SUMF1: variants seen among roughly 807,000 people sequenced by gnomAD.
SUMF1 encodes sulfatase modifying factor 1.
In SUMF1, 48 loss-of-function variants were observed where a neutral mutation model predicts 47.6. The observed-to-expected ratio is 1.01, with a 90% CI of 0.80 to 1.28. SUMF1 has a LOEUF of 1.28. Among genes scored for constraint, SUMF1 ranks in the 50% most tolerant of loss-of-function variants. SUMF1 has a pLI of 0.00. For missense variants in SUMF1, 571 were observed against 485.4 expected (o/e 1.18, Z -1.66); for synonymous variants, 230 against 192.1 (o/e 1.20, Z -1.63).
chr3:4,118,955 G>C (rs1693479391), intron 8 of SUMF1, among the ~76,000 whole-genome samples: 1 of 151,962 alleles, frequency 6.6e-6, no homozygotes, highest in African/African-American at 2.4e-5. Context: ...TGTATCCCTT[G>C]AGCTTGACTT....
chr3:4,049,737 A>G lies in SUMF1; in HGVS notation c.1191+18832T>C, dbSNP rs549983670. ...GGGCAGCTTATCTGTTAACCAGCTCAGTGAATTCTCTGCCTTTTCACAATG... is the reference window on the plus strand; with the variant it reads ...GGGCAGCTTATCTGTTAACCAGCTCGGTGAATTCTCTGCCTTTTCACAATG... On this transcript the variant is annotated intron_variant and NMD_transcript_variant, in intron 9 of 12. Coordinates refer to the SUMF1 transcript ENST00000448413. Among the ~76,000 whole-genome samples the G allele has an allele frequency of 5.3e-5, 8 of 152,218 alleles. No individual in the cohort carries two copies. In the East Asian group the frequency reaches 1.2e-3, roughly 22 times the overall value.
At chr3:4,432,031 C>T (rs1575214295) in intron 3 of SUMF1, among the ~76,000 whole-genome samples, 1 of 151,982 alleles carries the variant, frequency 6.6e-6, no homozygotes, top group African/African-American at 2.4e-5. Context: ...AATCTGTCTC[C>T]TGGAGACCTT....
At chr3:4,346,724 A>G (rs1699381261) in intron 8 of SUMF1, among the ~76,000 whole-genome samples, 1 of 152,076 alleles carries the variant, frequency 6.6e-6, no homozygotes, top group South Asian at 2.1e-4. Flanking sequence ...AACCCTCAAA[A>G]AAAATCACCA....
At chr3:4,444,013 A>G (rs1473146310) in intron 3 of SUMF1, among the ~76,000 whole-genome samples, 8 of 152,166 alleles carry the variant, frequency 5.3e-5, no homozygotes, top group African/African-American at 1.7e-4. Flanking sequence ...AAACACCAAC[A>G]CACAGTCTAG....
chr3:4,385,733 T>G (rs1427473804), intron 7 of SUMF1, among the ~76,000 whole-genome samples: 1 of 152,220 alleles, frequency 6.6e-6, no homozygotes, highest in Non-Finnish European at 1.5e-5. Flanking sequence ...TTCTCCTGTG[T>G]TTTTTTCTAA....
intron 8 of SUMF1, among the ~76,000 whole-genome samples, chr3:4,141,787 G>A (rs1694076412): frequency 6.6e-6 from 1 of 152,148 alleles, no homozygotes; most frequent in African/African-American, 2.4e-5. Flanking sequence ...CAGGCCAAGA[G>A]ATTCTAATCA....
At chr3:4,114,007 C>A (rs960228643) in intron 8 of SUMF1, among the ~76,000 whole-genome samples, 2 of 151,976 alleles carry the variant, frequency 1.3e-5, no homozygotes, top group Non-Finnish European at 2.9e-5. Context: ...TTAAAAGATG[C>A]TGATTGGACG....
At chr3:4,053,455 T>C (rs546611689) in intron 9 of SUMF1, among the ~76,000 whole-genome samples, 5 of 152,294 alleles carry the variant, frequency 3.3e-5, no homozygotes, top group African/African-American at 1.2e-4. Context: ...ATGGCACCAA[T>C]AGCCTTGCTT....
rs566533896 is a variant in SUMF1 at position 4,264,132 on chromosome 3, G to A, written c.1014+112198C>T. 9.2e-5 allele frequency among the ~76,000 whole-genome samples: 14 copies of A among 152,236 alleles called. No homozygotes were observed. In the South Asian group the frequency reaches 2.1e-3, roughly 23 times the overall value. On this transcript the variant is annotated intron_variant and NMD_transcript_variant, in intron 8 of 12. Coordinates refer to the SUMF1 transcript ENST00000448413. ...CTAAGAATGAAACTGAGCTCTCCTC[G>A]CTATAATCTGACTTCAGCAATCATC...
chr3:4,102,055 C>G (rs2675201), intron 8 of SUMF1, among the ~76,000 whole-genome samples: 17,937 of 152,108 alleles, frequency 0.12, 2,150 homozygotes, highest in African/African-American at 0.29. Flanking sequence ...GAGAACAGCA[C>G]CATGGGGGTA....
intron 8 of SUMF1, among the ~76,000 whole-genome samples, chr3:4,343,915 A>C (rs558694979): frequency 1.1e-3 from 162 of 152,372 alleles, no homozygotes; most frequent in South Asian, 2.3e-3. Flanking sequence ...CATATTCATC[A>C]GTAGGGAAAT....
chr3:4,393,652 T>TATTC (rs1700948578), intron 7 of SUMF1, among the ~76,000 whole-genome samples: 2 of 151,484 alleles, frequency 1.3e-5, no homozygotes, highest in South Asian at 4.1e-4. Flanking sequence ...TTTATTTATT[T>TATTC]ATTATTATTA....
At position 4,182,166 on chromosome 3, in the gene SUMF1, G is replaced by A. The variant is rs147663123; in HGVS notation, c.1015-113421C>T. On this transcript the variant is annotated intron_variant and NMD_transcript_variant, in intron 8 of 12. Transcript: ENST00000448413. The stretch of plus-strand genomic sequence containing the variant: ...CTTTATAAGTTTTACTTAATACAAG[G>A]TGTAAATAATGATACAGGGTATGGG... 4.6e-4 allele frequency among the ~76,000 whole-genome samples: 70 copies of A among 152,128 alleles called. 1 individual carries two copies. The East Asian group carries it at 0.011, about 24-fold the overall frequency.
chr3:4,151,294 T>G (rs1694316434), intron 8 of SUMF1, among the ~76,000 whole-genome samples: 1 of 148,620 alleles, frequency 6.7e-6, no homozygotes, highest in South Asian at 2.1e-4. Context: ...AAATATGGAG[T>G]GCTGCTGCTA....
At position 4,049,516 on chromosome 3, in the gene SUMF1, G is replaced by A. The variant is rs554366891; in HGVS notation, c.1191+19053C>T. 3.9e-5 allele frequency among the ~76,000 whole-genome samples: 6 copies of A among 152,268 alleles called. No individual in the cohort carries two copies. In the South Asian group the frequency reaches 6.2e-4, roughly 16 times the overall value. On this transcript the variant is annotated intron_variant and NMD_transcript_variant, in intron 9 of 12. Coordinates refer to the SUMF1 transcript ENST00000448413. ...CACCCCTTGCTGAACGTGAGACAGG[G>A]ATGTGACTCATCTGTTCAGTAACCA...
chr3:4,214,378 T>G (rs1404583523), intron 8 of SUMF1, among the ~76,000 whole-genome samples: 1 of 152,114 alleles, frequency 6.6e-6, no homozygotes, highest in East Asian at 1.9e-4. Flanking sequence ...AGACACAATG[T>G]ACTAGAATAT....
chr3:4,338,299 A>G (rs898799748), intron 8 of SUMF1, among the ~76,000 whole-genome samples: 1 of 152,018 alleles, frequency 6.6e-6, no homozygotes, highest in East Asian at 1.9e-4. Flanking sequence ...AAAAAAAAAG[A>G]TACTTTAAAG....
At chr3:4,074,747 G>C (rs953891997) in intron 8 of SUMF1, among the ~76,000 whole-genome samples, 1 of 152,046 alleles carries the variant, frequency 6.6e-6, no homozygotes, top group East Asian at 1.9e-4. Flanking sequence ...AGAAGAAATT[G>C]ATAAAGTCCT....
At chr3:4,374,193 C>G (rs1413749318) in intron 8 of SUMF1, among the ~76,000 whole-genome samples, 2 of 152,076 alleles carry the variant, frequency 1.3e-5, no homozygotes, top group African/African-American at 4.8e-5. Context: ...CAATGACATA[C>G]AGCAAGAAAA....
Sources: allele counts gnomAD v4.1 joint callset (sites outside exome capture counted in the v4.1 genomes callset), GRCh38; gene constraint gnomAD v4.1.1; transcripts MANE v1.5; gene names NCBI Gene and HGNC (gene_info 2026-07-23, HGNC 2026-07-21).